The following SGCZ variants were observed in gnomAD, a reference collection of about 807,000 sequenced individuals.
The protein encoded by SGCZ is zeta-sarcoglycan.
In SGCZ, 40 loss-of-function variants were observed where a neutral mutation model predicts 41.3. The observed-to-expected ratio is 0.97, with a 90% CI of 0.75 to 1.26. The LOEUF is 1.26. SGCZ is among the 50% of genes most tolerant of loss of function. The pLI, the probability that SGCZ is intolerant of heterozygous loss-of-function variation, is 0.00. For synonymous variants in SGCZ, 206 were observed against 137.5 expected (o/e 1.50, Z -3.49); for missense variants, 552 against 369.8 (o/e 1.49, Z -4.04).
intron 2 of SGCZ, among the ~76,000 whole-genome samples, chr8:14,443,498 A>G (rs899601932): frequency 2.0e-5 from 3 of 152,166 alleles, no homozygotes; most frequent in African/African-American, 7.2e-5. Context: ...GCCCTCAGAA[A>G]TAACACCGCA....
At chr8:14,529,066 G>T (rs879684110) in intron 2 of SGCZ, among the ~76,000 whole-genome samples, 1 of 151,736 alleles carries the variant, frequency 6.6e-6, no homozygotes, top group African/African-American at 2.4e-5. Flanking sequence ...GATCTACATC[G>T]CTCATCAACC....
chr8:14,774,675 T>G (rs1332532721), intron 1 of SGCZ, among the ~76,000 whole-genome samples: 2 of 152,218 alleles, frequency 1.3e-5, no homozygotes, highest in African/African-American at 4.8e-5. Context: ...ACCCTAGCTT[T>G]GACTTTGCTC....
intron 1 of SGCZ, among the ~76,000 whole-genome samples, chr8:15,067,904 TA>T (rs1373307498): frequency 6.6e-6 from 1 of 152,036 alleles, no homozygotes; most frequent in African/African-American, 2.4e-5. Context: ...ATTAGACAGG[TA>T]ATGGGAAGAA....
intron 1 of SGCZ, among the ~76,000 whole-genome samples, chr8:14,945,424 C>T (rs1800410280): frequency 6.6e-6 from 1 of 151,950 alleles, no homozygotes; most frequent in Non-Finnish European, 1.5e-5. Flanking sequence ...TACTCTAAGG[C>T]CTCTGTGCTT....
At chr8:14,105,506 G>A (rs1405989228) in intron 6 of SGCZ, among the ~76,000 whole-genome samples, 1 of 151,812 alleles carries the variant, frequency 6.6e-6, no homozygotes, top group Non-Finnish European at 1.5e-5. Flanking sequence ...CTCTCTGAAA[G>A]GAAAATTGTC....
chr8:14,510,092 G>T (rs77978554), intron 2 of SGCZ, among the ~76,000 whole-genome samples: 2,129 of 152,162 alleles, frequency 0.014, 24 homozygotes, highest in Non-Finnish European at 0.021. Context: ...CCAATGCAAT[G>T]AAGAAGGCAG....
At chr8:15,232,667 ATG>A (rs1450348412) in intron 1 of SGCZ, among the ~76,000 whole-genome samples, 2 of 121,494 alleles carry the variant, frequency 1.6e-5, no homozygotes, top group South Asian at 2.4e-4. Context: ...ATACATATAT[ATG>A]TGTGTGTATA....
chr8:15,023,812 C>A (rs997705551), intron 1 of SGCZ, among the ~76,000 whole-genome samples: 16 of 152,136 alleles, frequency 1.1e-4, no homozygotes, highest in African/African-American at 3.6e-4. Flanking sequence ...GTGAGCCTGC[C>A]AGGATATAAA....
At chr8:14,388,314 G>T (rs1359411092) in intron 2 of SGCZ, among the ~76,000 whole-genome samples, 1 of 152,022 alleles carries the variant, frequency 6.6e-6, no homozygotes. Context: ...TAGGTGCTGA[G>T]GCCTAGGAGC....
chr8:14,447,364 T>C (rs1800462351), intron 2 of SGCZ, among the ~76,000 whole-genome samples: 1 of 152,204 alleles, frequency 6.6e-6, no homozygotes, highest in Non-Finnish European at 1.5e-5. Flanking sequence ...GCCATTTTAA[T>C]ATGTTACTTG....
intron 1 of SGCZ, among the ~76,000 whole-genome samples, chr8:14,606,521 T>A (rs1327942662): frequency 2.6e-5 from 4 of 152,200 alleles, no homozygotes; most frequent in Non-Finnish European, 5.9e-5. Flanking sequence ...GGTATCCACC[T>A]AAATGGCAGG....
chr8:14,615,656 T>C (rs1368452144), intron 1 of SGCZ, among the ~76,000 whole-genome samples: 2 of 152,194 alleles, frequency 1.3e-5, no homozygotes, highest in Admixed American at 6.5e-5. Context: ...CCTGGGTCTT[T>C]GTCAGACAAA....
intron 1 of SGCZ, among the ~76,000 whole-genome samples, chr8:14,893,299 G>C (rs188810886): frequency 4.3e-4 from 66 of 152,232 alleles, no homozygotes; most frequent in African/African-American, 1.5e-3. Flanking sequence ...CCAGAAAAGT[G>C]AAGGAAATAC....
intron 3 of SGCZ, among the ~76,000 whole-genome samples, chr8:14,248,038 G>T (rs62500201): frequency 6.6e-6 from 1 of 152,026 alleles, no homozygotes; most frequent in African/African-American, 2.4e-5. Flanking sequence ...TAGCCAATTT[G>T]TATGTCCAAA....
At chr8:14,242,528 C>T (rs1034273615) in intron 3 of SGCZ, among the ~76,000 whole-genome samples, 6 of 152,122 alleles carry the variant, frequency 3.9e-5, no homozygotes, top group Non-Finnish European at 7.4e-5. Context: ...GGTCATAGCA[C>T]ATAATTTATG....
At chr8:14,289,554 CT>C (rs1192166180) in intron 3 of SGCZ, among the ~76,000 whole-genome samples, 4 of 152,036 alleles carry the variant, frequency 2.6e-5, no homozygotes, top group Non-Finnish European at 2.9e-5. Flanking sequence ...TCCTTATACT[CT>C]TGTCAAAACT....
chr8:14,981,885 C>G (rs1801672930), intron 1 of SGCZ, among the ~76,000 whole-genome samples: 1 of 152,168 alleles, frequency 6.6e-6, no homozygotes, highest in Non-Finnish European at 1.5e-5. Context: ...GGTGGTGGCT[C>G]ACACCTGTAA....
intron 4 of SGCZ, among the ~76,000 whole-genome samples, chr8:14,165,788 T>C (rs540974725): frequency 6.6e-6 from 1 of 152,266 alleles, no homozygotes; most frequent in East Asian, 1.9e-4. Context: ...AAGCAGGACA[T>C]CATCTTTGTA....
intron 1 of SGCZ, among the ~76,000 whole-genome samples, chr8:14,844,833 G>A (rs1214684600): frequency 6.6e-6 from 1 of 152,136 alleles, no homozygotes; most frequent in Non-Finnish European, 1.5e-5. Flanking sequence ...AGGCCATATA[G>A]GACAGTGACC....
Sources: allele counts gnomAD v4.1 joint callset (sites outside exome capture counted in the v4.1 genomes callset), GRCh38; gene constraint gnomAD v4.1.1; transcripts MANE v1.5; gene names NCBI Gene and HGNC (gene_info 2026-07-23, HGNC 2026-07-21).